Variants in FHIT observed in about 807,000 individuals in gnomAD.
The protein encoded by FHIT is bis(5'-adenosyl)-triphosphatase.
In FHIT, 19 loss-of-function variants were observed where a neutral mutation model predicts 17.9. The observed-to-expected ratio is 1.06, with a 90% CI of 0.74 to 1.56. FHIT has a LOEUF of 1.56. FHIT is among the 40% of genes most tolerant of loss of function. The pLI is 0.00. For synonymous variants in FHIT, 81 were observed against 69.7 expected (o/e 1.16, Z -0.81); for missense variants, 248 against 189.2 (o/e 1.31, Z -1.82).
intron 5 of FHIT, among the ~76,000 whole-genome samples, chr3:60,410,849 C>A (rs1045887639): frequency 2.0e-5 from 3 of 152,148 alleles, no homozygotes; most frequent in Non-Finnish European, 4.4e-5. Flanking sequence ...TGACTTCCTG[C>A]AAACACAGAC....
chr3:60,374,590 A>G (rs1700467304), intron 5 of FHIT, among the ~76,000 whole-genome samples: 1 of 150,328 alleles, frequency 6.7e-6, no homozygotes, highest in South Asian at 2.1e-4. Context: ...AGAAGCACAC[A>G]CACATACTAG....
intron 4 of FHIT, among the ~76,000 whole-genome samples, chr3:60,698,707 A>G (rs536156676): frequency 7.6e-4 from 116 of 152,220 alleles, no homozygotes; most frequent in African/African-American, 2.5e-3. Context: ...GTCTATATAT[A>G]TTTTACATTG....
At chr3:59,767,228 G>C (rs1312449851) in intron 8 of FHIT, among the ~76,000 whole-genome samples, 1 of 152,162 alleles carries the variant, frequency 6.6e-6, no homozygotes, top group African/African-American at 2.4e-5. Context: ...GCCGGGCGCG[G>C]TGGCTCACGC....
At chr3:61,031,278 G>A (rs1053613096) in intron 3 of FHIT, among the ~76,000 whole-genome samples, 3 of 152,080 alleles carry the variant, frequency 2.0e-5, no homozygotes, top group Non-Finnish European at 1.5e-5. Flanking sequence ...GTAAAATTCA[G>A]ATACTTTTTC....
chr3:59,840,393 T>TAA lies in FHIT; in HGVS notation c.348+81951_348+81952dup, dbSNP rs5849304. Among the ~76,000 whole-genome samples the TAA allele has an allele frequency of 7.6e-3, 1,058 of 139,668 alleles. 11 individuals carry two copies. The highest frequency in any genetic ancestry group is 0.022 in the African/African-American group (832 of 37,912). 91.6% of individuals were successfully genotyped at this position (139,668 alleles called of 152,430 possible). A position where few individuals can be genotyped will look rare whatever the true frequency, so the allele number is the denominator to read the frequency against. ...ATCATGTCACCAGATTATCCCCCTT[T>TAA]AAAAAAAAAAAAAAAAGAAAGAAAC... On this transcript the variant is annotated intron_variant, in intron 8 of 9. Transcript: ENST00000492590.
intron 5 of FHIT, chr3:60,536,032 T>C (rs1334742225): frequency 6.6e-6 from 1 of 152,194 alleles, no homozygotes; most frequent in Admixed American, 6.5e-5. Context: ...AATTTTATTC[T>C]GTTGCCTTCT....
intron 7 of FHIT, among the ~76,000 whole-genome samples, chr3:59,946,454 A>T (rs111569972): frequency 6.6e-6 from 1 of 152,206 alleles, no homozygotes; most frequent in Non-Finnish European, 1.5e-5. Context: ...GCATAAAATC[A>T]TATCATTTCC....
intron 5 of FHIT, among the ~76,000 whole-genome samples, chr3:60,063,157 G>A (rs1702361793): frequency 6.6e-6 from 1 of 152,176 alleles, no homozygotes; most frequent in Non-Finnish European, 1.5e-5. Flanking sequence ...AGAGAAGGTG[G>A]AGAGAACTTT....
chr3:60,267,208 T>C lies in FHIT; in HGVS notation c.104-253056A>G, dbSNP rs999915119. The stretch of plus-strand genomic sequence containing the variant: ...TATTACTTAGAGATACAGAGATAAA[T>C]ACTAAAATAATCAGTTTAAAAGAAA... On this transcript the variant is annotated intron_variant, in intron 5 of 9. Coordinates refer to ENST00000492590, the MANE Select transcript of FHIT (RefSeq NM_002012.4). 2.6e-5 allele frequency among the ~76,000 whole-genome samples: 4 copies of C among 151,986 alleles called. No individual in the cohort carries two copies. In the South Asian group the frequency reaches 8.3e-4, roughly 32 times the overall value.
In FHIT at chr3:60,379,000, C is replaced by T. The variant is rs80185228; in HGVS notation, c.103+157860G>A. Among the ~76,000 whole-genome samples, 4 of 152,312 alleles carry T rather than the reference C, an allele frequency of 2.6e-5. No homozygotes were observed. In the East Asian group the frequency reaches 7.7e-4, roughly 29 times the overall value. On this transcript the variant is annotated intron_variant, in intron 5 of 9. Coordinates refer to ENST00000492590, the MANE Select transcript of FHIT (RefSeq NM_002012.4). Reference sequence around the variant, plus strand: ...CAGTCCTTGAAGAATTGCTCATGTGCCCTGTCTAAAACTGGTTTTGTAGAC... The same window carrying T: ...CAGTCCTTGAAGAATTGCTCATGTGTCCTGTCTAAAACTGGTTTTGTAGAC...
intron 1 of FHIT, among the ~76,000 whole-genome samples, chr3:61,220,948 A>G (rs1178455569): frequency 1.3e-5 from 2 of 152,228 alleles, no homozygotes; most frequent in Admixed American, 1.3e-4. Context: ...ATGCTGTCAT[A>G]TTTGCCATGC....
chr3:59,996,028 CT>C (rs1699495845), intron 7 of FHIT, among the ~76,000 whole-genome samples: 2 of 152,026 alleles, frequency 1.3e-5, no homozygotes, highest in Admixed American at 1.3e-4. Flanking sequence ...ATGACACTGG[CT>C]TTGTCCAGTG....
At chr3:59,890,542 A>G (rs1427928682) in intron 8 of FHIT, among the ~76,000 whole-genome samples, 2 of 152,150 alleles carry the variant, frequency 1.3e-5, no homozygotes, top group Admixed American at 6.6e-5. Flanking sequence ...TACATTCCCA[A>G]TGCTTATGTT....
chr3:60,945,625 A>C (rs1163667098), intron 3 of FHIT, among the ~76,000 whole-genome samples: 3 of 152,126 alleles, frequency 2.0e-5, no homozygotes, highest in Non-Finnish European at 2.9e-5. Flanking sequence ...AACTCCTGAC[A>C]TCAAGTGATC....
intron 7 of FHIT, among the ~76,000 whole-genome samples, chr3:59,989,666 G>A (rs896189000): frequency 6.6e-6 from 1 of 152,024 alleles, no homozygotes; most frequent in Non-Finnish European, 1.5e-5. Flanking sequence ...CCTTCTACAA[G>A]AAGAACATCT....
intron 5 of FHIT, among the ~76,000 whole-genome samples, chr3:60,119,780 C>T (rs1350870963): frequency 6.6e-6 from 1 of 152,110 alleles, no homozygotes; most frequent in South Asian, 2.1e-4. Flanking sequence ...AAACTTCAAC[C>T]GTCCCTCCAG....
At chr3:60,525,734 A>C (rs1385264009) in intron 5 of FHIT, among the ~76,000 whole-genome samples, 1 of 152,202 alleles carries the variant, frequency 6.6e-6, no homozygotes, top group Non-Finnish European at 1.5e-5. Flanking sequence ...AGAGCTCTCT[A>C]CAAGTGTTCC....
At chr3:60,961,552 A>G (rs1709444158) in intron 3 of FHIT, among the ~76,000 whole-genome samples, 1 of 152,122 alleles carries the variant, frequency 6.6e-6, no homozygotes, top group African/African-American at 2.4e-5. Flanking sequence ...CTAGGGTTTT[A>G]TGGTTTTAGG....
intron 3 of FHIT, among the ~76,000 whole-genome samples, chr3:60,954,278 A>G (rs578223836): frequency 1.2e-4 from 18 of 152,236 alleles, no homozygotes; most frequent in Non-Finnish European, 2.4e-4. Flanking sequence ...GCATGAATGT[A>G]TATCAGTGGT....
Sources: gnomAD v4.1 joint callset for allele counts (sites outside exome capture counted in the v4.1 genomes callset) on GRCh38, gnomAD v4.1.1 for gene constraint, MANE v1.5 for transcripts, NCBI Gene and HGNC (gene_info 2026-07-23, HGNC 2026-07-21) for gene names.